Variants in TMED3 observed in about 807,000 individuals in gnomAD.
The protein encoded by TMED3 is transmembrane emp24 domain-containing protein 3.
A neutral mutation model predicts 15.0 loss-of-function variants in TMED3; 9 were observed. The observed-to-expected ratio is 0.60, with a 90% CI of 0.36 to 1.04. TMED3 has a LOEUF of 1.04. Ranked by LOEUF, TMED3 falls within the 50% of genes least tolerant of loss-of-function variation. TMED3 has a pLI of 0.01. For synonymous variants in TMED3, 117 were observed against 121.4 expected (o/e 0.96, Z 0.24); for missense variants, 267 against 278.9 (o/e 0.96, Z 0.30).
At chr15:79,353,235 A>T (rs58975946) in intron 2 of TMED3, among the ~76,000 whole-genome samples, 2 of 55,828 alleles carry the variant, frequency 3.6e-5, no homozygotes, top group African/African-American at 1.5e-4. Context: ...ATAATATATA[A>T]AATATATATA....
At chr15:79,381,751 C>T (rs1477687549) in intron 2 of TMED3, among the ~76,000 whole-genome samples, 2 of 152,210 alleles carry the variant, frequency 1.3e-5, no homozygotes, top group Admixed American at 6.5e-5. Context: ...CTGATTCTTT[C>T]ACTGGTTTAA....
At chr15:79,331,542 C>CAAAAAAAAAAAAAAAAAAGAAAAAAAA (rs2058808634) in intron 2 of TMED3, among the ~76,000 whole-genome samples, 2 of 89,288 alleles carry the variant, frequency 2.2e-5, no homozygotes, top group Non-Finnish European at 4.1e-5. Flanking sequence ...GCAAAAGAAG[C>CAAAAAAAAAAAAAAAAAAGAAAAAAAA]AAAAAAAAAA....
intron 2 of TMED3, among the ~76,000 whole-genome samples, chr15:79,386,934 CT>C (rs372149513): frequency 0.026 from 3,527 of 137,264 alleles, 98 homozygotes; most frequent in African/African-American, 0.08. Context: ...ATCTTTTAAT[CT>C]TTTTTTTTTT....
intron 2 of TMED3, among the ~76,000 whole-genome samples, chr15:79,397,383 G>C (rs370065257): frequency 6.6e-6 from 1 of 151,948 alleles, no homozygotes; most frequent in African/African-American, 2.4e-5. Flanking sequence ...TGAGTTTTGC[G>C]CTCTCTGCCT....
chr15:79,393,512 G>A (rs930373877), intron 2 of TMED3, among the ~76,000 whole-genome samples: 30 of 152,202 alleles, frequency 2.0e-4, no homozygotes, highest in Non-Finnish European at 4.0e-4. Context: ...GAGTTCTGTG[G>A]AAGCTCACTT....
At chr15:79,388,422 G>A (rs1327557682) in intron 2 of TMED3, among the ~76,000 whole-genome samples, 1 of 142,406 alleles carries the variant, frequency 7.0e-6, no homozygotes, top group Non-Finnish European at 1.5e-5. Context: ...GGAGAATTAT[G>A]TTTTTTTTTT....
chr15:79,338,603 A>G (rs1315761143), intron 2 of TMED3, among the ~76,000 whole-genome samples: 2 of 152,242 alleles, frequency 1.3e-5, no homozygotes, highest in African/African-American at 4.8e-5. Context: ...ATGATTATAT[A>G]TGAATATCAT....
chr15:79,388,018 A>G (rs997409634), intron 2 of TMED3, among the ~76,000 whole-genome samples: 1 of 152,182 alleles, frequency 6.6e-6, no homozygotes, highest in Non-Finnish European at 1.5e-5. Context: ...GTCTGTGAGC[A>G]CAATCATAAT....
intron 2 of TMED3, among the ~76,000 whole-genome samples, chr15:79,365,142 G>T (rs1174342250): frequency 6.6e-6 from 1 of 152,230 alleles, no homozygotes; most frequent in Non-Finnish European, 1.5e-5. Flanking sequence ...CTGAGAGGGG[G>T]ATCAGGGAAC....
exon 3 of TMED3, chr15:79,413,013 AAC>A (rs1894012670): frequency 6.6e-6 from 1 of 152,214 alleles, no homozygotes; most frequent in African/African-American, 2.4e-5. Flanking sequence ...CTCATCTTAT[AAC>A]ACAAGCAAAC....
At chr15:79,411,332 T>C in intron 2 of TMED3, 5 of 690,104 alleles carry the variant, frequency 7.2e-6, no homozygotes, top group Non-Finnish European at 1.3e-5. Context: ...AATGGAGGGC[T>C]TTATCCTGGG....
intron 2 of TMED3, among the ~76,000 whole-genome samples, chr15:79,362,594 A>G (rs930467837): frequency 6.6e-6 from 1 of 152,214 alleles, no homozygotes; most frequent in African/African-American, 2.4e-5. Context: ...TTGAATTGTA[A>G]TAATCCCCAA....
intron 2 of TMED3, among the ~76,000 whole-genome samples, chr15:79,375,580 C>T (rs537865671): frequency 1.9e-4 from 29 of 152,172 alleles, no homozygotes; most frequent in Admixed American, 4.6e-4. Context: ...TGGTGGAAGG[C>T]AAAGTGGGAG....
chr15:79,370,504 A>G (rs997936228), intron 2 of TMED3, among the ~76,000 whole-genome samples: 1 of 151,890 alleles, frequency 6.6e-6, no homozygotes, highest in Non-Finnish European at 1.5e-5. Context: ...CATGGGTTTC[A>G]CCTCAACCAT....
chr15:79,353,305 TATTATATATATAA>T (rs1567030609), intron 2 of TMED3, among the ~76,000 whole-genome samples: 1 of 35,516 alleles, frequency 2.8e-5, no homozygotes, highest in Non-Finnish European at 6.7e-5. Flanking sequence ...ATATTATATA[TATTATATATATAA>T]TATATATAAT....
intron 2 of TMED3, among the ~76,000 whole-genome samples, chr15:79,357,645 G>T (rs529335051): frequency 6.6e-6 from 1 of 151,930 alleles, no homozygotes; most frequent in East Asian, 1.9e-4. Context: ...CGTGCTGGGG[G>T]CATTTGGAGT....
At chr15:79,366,400 T>C (rs1450971063) in intron 2 of TMED3, among the ~76,000 whole-genome samples, 6 of 152,246 alleles carry the variant, frequency 3.9e-5, no homozygotes, top group Non-Finnish European at 8.8e-5. Context: ...GGTAAATTCT[T>C]ATACCCCTCA....
chr15:79,311,661 G>A (rs1352020812), intron 1 of TMED3, among the ~76,000 whole-genome samples: 1 of 152,172 alleles, frequency 6.6e-6, no homozygotes. Flanking sequence ...AGCCCGGGAT[G>A]GGGACGCCAG....
intron 2 of TMED3, among the ~76,000 whole-genome samples, chr15:79,372,024 A>C (rs1208692091): frequency 6.6e-6 from 1 of 152,242 alleles, no homozygotes; most frequent in East Asian, 1.9e-4. Context: ...TTCTTCTCAT[A>C]GTTTTCTTGG....
Sources: gnomAD v4.1 joint callset for allele counts (sites outside exome capture counted in the v4.1 genomes callset) on GRCh38, gnomAD v4.1.1 for gene constraint, MANE v1.5 for transcripts, NCBI Gene and HGNC (gene_info 2026-07-23, HGNC 2026-07-21) for gene names.